The following PLXNA4 variants were observed in gnomAD, a reference collection of about 807,000 sequenced individuals.
The protein encoded by PLXNA4 is plexin-A4.
Under a neutral mutation model 191.8 loss-of-function variants are expected in PLXNA4, and 44 were observed. That is an observed-to-expected ratio of 0.23 (90% CI 0.18 to 0.29). PLXNA4 has a LOEUF of 0.29. PLXNA4 is among the 10% of genes least tolerant of loss of function. The pLI is 1.00. For missense variants in PLXNA4, 1,800 were observed against 2,488.8 expected (o/e 0.72, Z 5.89); for synonymous variants, 1,082 against 1,009.5 (o/e 1.07, Z -1.36).
chr7:132,501,524 G>T (rs1585232655), intron 2 of PLXNA4, among the ~76,000 whole-genome samples: 2 of 152,152 alleles, frequency 1.3e-5, no homozygotes, highest in Admixed American at 6.5e-5. Flanking sequence ...TCCTGGGAGA[G>T]TACATCCAGC....
chr7:132,565,635 C>T (rs752635973), intron 1 of PLXNA4, among the ~76,000 whole-genome samples: 5 of 152,138 alleles, frequency 3.3e-5, no homozygotes, highest in East Asian at 1.9e-4. Context: ...ATTCCCCTTC[C>T]GCATGATTCT....
intron 14 of PLXNA4, among the ~76,000 whole-genome samples, 156 bp from the exon 15 acceptor site, chr7:132,187,763 G>A (rs545472506): frequency 3.3e-5 from 5 of 152,272 alleles, no homozygotes; most frequent in East Asian, 1.9e-4. Flanking sequence ...TTAGGCTTGC[G>A]TGGATAGGCA....
chr7:132,386,955 A>ACTAG lies in PLXNA4; in HGVS notation c.1372-88737_1372-88734dup, dbSNP rs374718619. 3.3e-3 allele frequency among the ~76,000 whole-genome samples: 504 copies of ACTAG among 152,380 alleles called. 5 individuals are homozygous for ACTAG. Among genetic ancestry groups the ACTAG allele is most frequent in the African/African-American group, 0.011 (455 of 41,588 alleles). ...CTGTAGATGGATACTTTTGTCAAAT[A>ACTAG]CTAGAAGAACAAATTACTAGAAGAG... On this transcript the variant is annotated intron_variant, in intron 3 of 31. Transcript: ENST00000321063.
chr7:132,494,537 G>A (rs559883812), intron 2 of PLXNA4, among the ~76,000 whole-genome samples: 7 of 152,280 alleles, frequency 4.6e-5, no homozygotes, highest in Admixed American at 2.0e-4. Context: ...AGCTGGACCT[G>A]GATGCAGAGA....
At chr7:132,271,277 T>G (rs1800058884) in intron 4 of PLXNA4, 1 of 152,138 alleles carries the variant, frequency 6.6e-6, no homozygotes, top group Non-Finnish European at 1.5e-5. Flanking sequence ...GTTCCTGAAT[T>G]TTTGAAGCTT....
At chr7:132,404,464 G>A (rs1794126948) in intron 3 of PLXNA4, among the ~76,000 whole-genome samples, 1 of 152,214 alleles carries the variant, frequency 6.6e-6, no homozygotes, top group African/African-American at 2.4e-5. Flanking sequence ...CCAGGGGGCA[G>A]TGGGCAGGTG....
chr7:132,205,835 G>A (rs774844424), intron 10 of PLXNA4, among the ~76,000 whole-genome samples: 10 of 152,182 alleles, frequency 6.6e-5, no homozygotes, highest in Non-Finnish European at 1.3e-4. Flanking sequence ...CAAAGTAGAA[G>A]CAGCAGGTGG....
At chr7:132,452,831 C>T (rs926762261) in intron 3 of PLXNA4, among the ~76,000 whole-genome samples, 2 of 152,204 alleles carry the variant, frequency 1.3e-5, no homozygotes, top group African/African-American at 4.8e-5. Context: ...AATTACATCC[C>T]TCCATTGGCT....
chr7:132,177,020 TGTGA>T (rs533601708), intron 20 of PLXNA4, among the ~76,000 whole-genome samples: 24 of 147,716 alleles, frequency 1.6e-4, no homozygotes, highest in African/African-American at 5.3e-4. Flanking sequence ...CATGTGCAAG[TGTGA>T]GTGTGTAAGT....
intron 3 of PLXNA4, among the ~76,000 whole-genome samples, chr7:132,305,024 C>G (rs149841132): frequency 6.6e-6 from 1 of 152,180 alleles, no homozygotes; most frequent in Non-Finnish European, 1.5e-5. Context: ...AAACCTCCTG[C>G]GCAGCAGGAC....
intron 4 of PLXNA4, among the ~76,000 whole-genome samples, chr7:132,283,255 T>C (rs758617526): frequency 1.8e-4 from 28 of 152,336 alleles, no homozygotes; most frequent in Non-Finnish European, 3.8e-4. Context: ...TCTGAGAAGA[T>C]GCAAAGTGAT....
chr7:132,472,199 T>G (rs934404100), intron 3 of PLXNA4, among the ~76,000 whole-genome samples: 1 of 152,208 alleles, frequency 6.6e-6, no homozygotes, highest in South Asian at 2.1e-4. Flanking sequence ...AATTTTGCCC[T>G]GATACTTTTT....
At chr7:132,563,095 TC>T (rs1563175449) in intron 1 of PLXNA4, among the ~76,000 whole-genome samples, 1 of 24,174 alleles carries the variant, frequency 4.1e-5, no homozygotes, top group Non-Finnish European at 9.7e-5. Context: ...CTCCTCTTCT[TC>T]CTCCTCCTCC....
intron 1 of PLXNA4, among the ~76,000 whole-genome samples, chr7:132,518,922 T>C (rs1451330242): frequency 1.6e-5 from 2 of 121,884 alleles, no homozygotes; most frequent in Non-Finnish European, 4.0e-5. Flanking sequence ...TGGCCAAGTC[T>C]GCCGTTCCCA....
chr7:132,452,262 C>T lies in PLXNA4; in HGVS notation c.1371+37030G>A, dbSNP rs368884584. ...CCATGCATTTAATAGAAAGAGAAAT[C>T]GTTCCAGCATGGAGAGATGGAAGAG... On this transcript the variant is annotated intron_variant, in intron 3 of 31. Coordinates refer to ENST00000321063, the MANE Select transcript of PLXNA4 (RefSeq NM_020911.2). 4.6e-5 allele frequency among the ~76,000 whole-genome samples: 7 copies of T among 152,298 alleles called. No individual in the cohort carries two copies. In the East Asian group the frequency reaches 9.7e-4, roughly 21 times the overall value.
chr7:132,431,290 T>C (rs1262261559), intron 3 of PLXNA4, among the ~76,000 whole-genome samples: 2 of 152,128 alleles, frequency 1.3e-5, no homozygotes, highest in Non-Finnish European at 2.9e-5. Flanking sequence ...GGAAGGGTAG[T>C]TGACCACAGT....
chr7:132,250,478 TG>T (rs1318065346), intron 4 of PLXNA4, among the ~76,000 whole-genome samples: 1 of 152,268 alleles, frequency 6.6e-6, no homozygotes, highest in Non-Finnish European at 1.5e-5. Flanking sequence ...CTATCATTTC[TG>T]GATTATTGCC....
chr7:132,265,591 T>G (rs1013077262), intron 4 of PLXNA4, among the ~76,000 whole-genome samples: 1 of 152,182 alleles, frequency 6.6e-6, no homozygotes, highest in South Asian at 2.1e-4. Context: ...GAATTGAGCA[T>G]GCAGACAAGA....
intron 1 of PLXNA4, among the ~76,000 whole-genome samples, chr7:132,515,613 C>A (rs1171583370): frequency 6.6e-6 from 1 of 152,184 alleles, no homozygotes; most frequent in Non-Finnish European, 1.5e-5. Context: ...GGCACAATCC[C>A]AGGTGATGTT....
Sources: gnomAD v4.1 joint callset for allele counts (sites outside exome capture counted in the v4.1 genomes callset) on GRCh38, gnomAD v4.1.1 for gene constraint, MANE v1.5 for transcripts, NCBI Gene and HGNC (gene_info 2026-07-23, HGNC 2026-07-21) for gene names.